ANKFY1: variants seen among roughly 807,000 people sequenced by gnomAD.
The protein encoded by ANKFY1 is ankyrin repeat and FYVE domain containing 1, also known as ankyrin repeat and FYVE domain-containing protein 1.
In ANKFY1, 47 loss-of-function variants were observed where a neutral mutation model predicts 128.3. The ratio of observed to expected loss-of-function variants is 0.37; its 90% CI spans 0.29 to 0.47. The LOEUF (loss-of-function observed/expected upper bound fraction) is 0.47. ANKFY1 is among the 20% of genes least tolerant of loss of function. The pLI is 1.00. For synonymous variants in ANKFY1, 553 were observed against 601.6 expected, an observed-to-expected ratio of 0.92 and a Z score of 1.18; for missense variants, 1,222 against 1,510.6, an observed-to-expected ratio of 0.81 and a Z score of 3.17.
Position 4,223,122 on chromosome 17 carries a change from G to A in ANKFY1, c.323-6004C>T, listed in dbSNP as rs73326774. 3.2e-4 allele frequency: 243 copies of A among 755,432 alleles called. No homozygotes were observed. The African/African-American group carries it at 3.5e-3, about 11-fold the overall frequency. 46.8% of individuals were successfully genotyped at this position (755,432 alleles called of 1,614,324 possible). On this transcript the variant is annotated intron_variant, in intron 3 of 24. Coordinates refer to ENST00000341657, the MANE Select transcript of ANKFY1 (RefSeq NM_001330063.2). ...AAATAAAGAAAAACAAGCATTGGTCGAAACAAAGATCAAGCTTCTGAAATT... is the reference window on the plus strand; with the variant it reads ...AAATAAAGAAAAACAAGCATTGGTCAAAACAAAGATCAAGCTTCTGAAATT...
chr17:4,201,402 G>A (rs1049987255), intron 7 of ANKFY1, among the ~76,000 whole-genome samples: 1 of 151,866 alleles, frequency 6.6e-6, no homozygotes, highest in Non-Finnish European at 1.5e-5. Flanking sequence ...GCTAGAGAAT[G>A]TGGGCTCTGG....
intron 3 of ANKFY1, chr17:4,223,477 C>T (rs1427641261): frequency 2.8e-5 from 32 of 1,150,716 alleles, no homozygotes; most frequent in East Asian, 7.0e-5. Context: ...CAGACAATGC[C>T]GTCTCATGGA....
At chr17:4,176,892 G>A (rs2059420002) in intron 19 of ANKFY1, among the ~76,000 whole-genome samples, 1 of 152,194 alleles carries the variant, frequency 6.6e-6, no homozygotes, top group African/African-American at 2.4e-5. Flanking sequence ...CTCCACCATT[G>A]AAATCCTGCT....
chr17:4,216,983 C>G lies in ANKFY1; in HGVS notation c.458G>C (p.Arg153Thr). The stretch of plus-strand genomic sequence containing the variant: ...CTTGAATATATCTGCTGTGACTTGC[C>G]TCTCCCTGAGGAGCTGTAGCTGAAA... ...NRFQLQLLRE[R>T]CEKGVMSLVN... The change falls in exon 4 of 25, where the codon AGA (arginine) becomes ACA (threonine). Residue 153 changes from arginine to threonine, a missense_variant and splice_region_variant. Arg to Thr is a moderately conservative substitution (Grantham distance 71, BLOSUM62 -1). Transcript: ENST00000341657. The G allele has an allele frequency of 6.2e-7, 1 of 1,614,116 alleles. No individual in the cohort carries two copies. The highest frequency in any genetic ancestry group is 8.5e-7 in the Non-Finnish European group (1 of 1,180,002).
At chr17:4,222,739 T>C in intron 3 of ANKFY1, 1 of 959,282 alleles carries the variant, frequency 1.0e-6, no homozygotes, top group Non-Finnish European at 1.7e-6. Flanking sequence ...TGTGCAGTAA[T>C]ATTTCTCGTA....
chr17:4,223,175 C>T (rs1187113492), intron 3 of ANKFY1: 7 of 798,126 alleles, frequency 8.8e-6, no homozygotes, highest in South Asian at 4.2e-5. Context: ...CACTGAAAGT[C>T]GTAAGCTGCA....
Position 4,179,022 on chromosome 17 carries a change from G to A in ANKFY1, c.2433C>T (p.Ile811=), listed in dbSNP as rs756198906. The part of the protein sequence containing the change: ...AEGRTPIHVA[I]SSQHGVIIQL... ...GAATGATGACACCGTGTTGGCTGCT[G>A]ATGGCCACGTGGATGGGGGTTCTTC... The change falls in exon 18 of 25, where the codon ATC becomes ATT. Residue 811 remains isoleucine, a synonymous_variant. Transcript: ENST00000341657. The A allele has an allele frequency of 1.2e-6, 2 of 1,614,236 alleles. No individual in the cohort carries two copies. Among genetic ancestry groups the A allele is most frequent in the Non-Finnish European group, 1.7e-6 (2 of 1,180,050 alleles).
At chr17:4,194,942 C>A (rs2059789165) in intron 10 of ANKFY1, 36 bp downstream of exon 10, 3 of 1,612,112 alleles carry the variant, frequency 1.9e-6, no homozygotes, top group Non-Finnish European at 2.5e-6. Context: ...CGCCTGCAGA[C>A]CCCAGCGTCG....
At chr17:4,247,550 C>T (rs1967616398) in intron 1 of ANKFY1, among the ~76,000 whole-genome samples, 1 of 152,220 alleles carries the variant, frequency 6.6e-6, no homozygotes, top group Admixed American at 6.5e-5. Context: ...ACCAGCGCTA[C>T]TTCAATTGCC....
In ANKFY1 at chr17:4,217,136, G is replaced by T. The variant is rs201223308; in HGVS notation, c.323-18C>A. The T allele has an allele frequency of 5.4e-4, 858 of 1,603,606 alleles. 17 individuals are homozygous for T. The Admixed American group carries it at 0.014, about 25-fold the overall frequency. Reference sequence around the variant, plus strand: ...ATTAGCATCTGGTTAAAGAAAGAGAGAACAACTGAAAAAGCATAGAATGAC... The same window carrying T: ...ATTAGCATCTGGTTAAAGAAAGAGATAACAACTGAAAAAGCATAGAATGAC... On this transcript the variant is annotated intron_variant, in intron 3 of 24. Coordinates refer to ENST00000341657, the MANE Select transcript of ANKFY1 (RefSeq NM_001330063.2).
intron 18 of ANKFY1, among the ~76,000 whole-genome samples, chr17:4,177,521 C>T (rs559261795): frequency 1.1e-4 from 16 of 152,270 alleles, no homozygotes; most frequent in African/African-American, 3.6e-4. Context: ...CGTGGCCACA[C>T]CCACGTGGTC....
intron 4 of ANKFY1, among the ~76,000 whole-genome samples, chr17:4,214,523 C>CTTTT (rs61260385): frequency 1.5e-5 from 2 of 136,162 alleles, no homozygotes; most frequent in African/African-American, 2.7e-5. Context: ...ATAAACCTAA[C>CTTTT]TTTTTTTTTT....
At chr17:4,171,025 T>C (rs901159189) in intron 22 of ANKFY1, among the ~76,000 whole-genome samples, 164 bp from the exon 23 acceptor site, 1 of 152,204 alleles carries the variant, frequency 6.6e-6, no homozygotes. Context: ...GAGAGAACTG[T>C]GGACAACCTG....
intron 7 of ANKFY1, among the ~76,000 whole-genome samples, chr17:4,199,829 TCA>T (rs1434785376): frequency 6.6e-6 from 1 of 152,234 alleles, no homozygotes; most frequent in Non-Finnish European, 1.5e-5. Context: ...GATTAAAAGT[TCA>T]GTCTTTCTTG....
At chr17:4,256,795 C>T (rs1268237386) in intron 1 of ANKFY1, among the ~76,000 whole-genome samples, 7 of 152,074 alleles carry the variant, frequency 4.6e-5, no homozygotes, top group Admixed American at 2.6e-4. Context: ...TTGCACCTAC[C>T]GTGAAATACG....
chr17:4,246,614 A>G (rs1023834181), intron 1 of ANKFY1, among the ~76,000 whole-genome samples: 3 of 152,168 alleles, frequency 2.0e-5, no homozygotes, highest in African/African-American at 7.2e-5. Flanking sequence ...CTTTTCTTCC[A>G]TAAGCAACCT....
Position 4,179,061 on chromosome 17 carries a change from T to C in ANKFY1, c.2398-4A>G. ...TGGGGGTTCTTCCTTCTGCATCCTA[T>C]GGAACAAGGCACAGAATTTAATGTT... is the stretch of plus-strand genomic sequence containing the variant. On this transcript the variant is annotated splice_polypyrimidine_tract_variant and splice_region_variant and intron_variant, in intron 17 of 24. Transcript: ENST00000341657. 1.2e-6 allele frequency: 2 copies of C among 1,613,916 alleles called. No homozygotes were observed. The highest frequency in any genetic ancestry group is 1.7e-6 in the Non-Finnish European group (2 of 1,179,898).
chr17:4,258,291 C>T (rs992278702), intron 1 of ANKFY1, among the ~76,000 whole-genome samples: 4 of 152,048 alleles, frequency 2.6e-5, no homozygotes, highest in Non-Finnish European at 4.4e-5. Context: ...TTTGGGAGGC[C>T]GAGGCGGGCG....
chr17:4,262,319 T>C (rs1968463859), intron 1 of ANKFY1, among the ~76,000 whole-genome samples: 1 of 152,170 alleles, frequency 6.6e-6, no homozygotes, highest in Non-Finnish European at 1.5e-5. Context: ...TGGAGTGCAG[T>C]AGCACGATCT....
Sources: gnomAD v4.1 joint callset for allele counts (sites outside exome capture counted in the v4.1 genomes callset) on GRCh38, gnomAD v4.1.1 for gene constraint, MANE v1.5 for transcripts, NCBI Gene and HGNC (gene_info 2026-07-23, HGNC 2026-07-21) for gene names.